ADGRG6: variants seen among roughly 807,000 people sequenced by gnomAD.
ADGRG6 encodes adhesion G protein-coupled receptor G6.
A neutral mutation model predicts 142.4 loss-of-function variants in ADGRG6; 84 were observed. The observed-to-expected ratio is 0.59, with a 90% confidence interval of 0.49 to 0.71. The LOEUF (loss-of-function observed/expected upper bound fraction) is 0.71, where lower values mean the gene tolerates loss of function less well. ADGRG6 is among the 30% of genes least tolerant of loss of function. The pLI is 0.00. For synonymous variants in ADGRG6, 521 were observed against 520.5 expected (o/e 1.00, Z -0.01); for missense variants, 1,367 against 1,466.6 (o/e 0.93, Z 1.11).
intron 4 of ADGRG6, among the ~76,000 whole-genome samples, chr6:142,375,772 C>T (rs1278887199): frequency 1.3e-5 from 2 of 151,958 alleles, no homozygotes; most frequent in African/African-American, 4.8e-5. Context: ...ATAGATTTTG[C>T]AAAGGTATAT....
intron 22 of ADGRG6, among the ~76,000 whole-genome samples, chr6:142,431,817 G>T (rs1011033788): frequency 6.6e-6 from 1 of 152,060 alleles, no homozygotes; most frequent in Admixed American, 6.6e-5. Context: ...CAGCTACTCA[G>T]CAGATTGAGG....
intron 15 of ADGRG6, 139 bp from the exon 16 acceptor site, chr6:142,408,011 A>C (rs1775894793): frequency 1.9e-6 from 1 of 530,302 alleles, no homozygotes; most frequent in East Asian, 3.0e-5. Context: ...AAAGCCAGCA[A>C]CTTGATGTGA....
At position 142,302,295 on chromosome 6, in the gene ADGRG6, G is replaced by A; in HGVS notation, c.-35G>A. Reference sequence around the variant, plus strand: ...CGGGAAAGTGGTGGAGGATGATCTTGCGGCCAAAGGGGACCTCGGCGCAGT... The same window carrying A: ...CGGGAAAGTGGTGGAGGATGATCTTACGGCCAAAGGGGACCTCGGCGCAGT... On this transcript the variant is annotated 5_prime_UTR_variant, in exon 1 of 25. Coordinates refer to ENST00000367609, the MANE Select transcript of ADGRG6 (RefSeq NM_198569.3). 6.2e-7 allele frequency: 1 copy of A among 1,611,202 alleles called. No individual in the cohort carries two copies. Among genetic ancestry groups the A allele is most frequent in the South Asian group, 1.1e-5 (1 of 90,496 alleles).
chr6:142,405,326 G>C, intron 14 of ADGRG6: 1 of 460,554 alleles, frequency 2.2e-6, no homozygotes, highest in Non-Finnish European at 4.3e-6. Context: ...TCTCTCCCTT[G>C]CCCCTTTCTC....
intron 9 of ADGRG6, among the ~76,000 whole-genome samples, chr6:142,395,349 A>G (rs1775123634): frequency 6.6e-6 from 1 of 152,118 alleles, no homozygotes; most frequent in Non-Finnish European, 1.5e-5. Context: ...TCAGTAATGG[A>G]TCCAGCAGCA....
intron 1 of ADGRG6, among the ~76,000 whole-genome samples, chr6:142,306,439 G>A (rs1339899269): frequency 6.6e-6 from 1 of 152,060 alleles, no homozygotes; most frequent in African/African-American, 2.4e-5. Flanking sequence ...TCTCAAAAAG[G>A]ACGCTAGGTT....
At chr6:142,342,859 A>T (rs1779721520) in intron 2 of ADGRG6, among the ~76,000 whole-genome samples, 1 of 151,860 alleles carries the variant, frequency 6.6e-6, no homozygotes, top group Admixed American at 6.6e-5. Flanking sequence ...TTTTTATTTT[A>T]AAATATATTT....
At chr6:142,381,652 A>C (rs1159133626) in intron 4 of ADGRG6, among the ~76,000 whole-genome samples, 1 of 152,218 alleles carries the variant, frequency 6.6e-6, no homozygotes, top group Admixed American at 6.5e-5. Flanking sequence ...CAAACTCTTA[A>C]AATTTATTAT....
chr6:142,345,484 C>G (rs1298507896), intron 2 of ADGRG6, among the ~76,000 whole-genome samples: 1 of 151,994 alleles, frequency 6.6e-6, no homozygotes, highest in Non-Finnish European at 1.5e-5. Flanking sequence ...TCATGATCAA[C>G]TGTGTTTGAA....
chr6:142,381,812 C>T (rs1332496635), intron 4 of ADGRG6, 139 bp from the exon 5 acceptor site: 2 of 509,160 alleles, frequency 3.9e-6, no homozygotes, highest in South Asian at 3.2e-5. Flanking sequence ...GCACAGTGGC[C>T]TTAAGAGACT....
At chr6:142,340,511 G>T (rs1434257728) in intron 2 of ADGRG6, among the ~76,000 whole-genome samples, 9 of 152,060 alleles carry the variant, frequency 5.9e-5, no homozygotes, top group Admixed American at 5.9e-4. Flanking sequence ...AGGTTACAGT[G>T]TATGTAATCA....
In ADGRG6 at chr6:142,397,586, A is replaced by G. The variant is rs750824527; in HGVS notation, c.1425-27A>G. On this transcript the variant is annotated intron_variant, in intron 9 of 24. Transcript: ENST00000367609. ...GACAAGCAACCAATGAACAACAACA[A>G]CAGTTCTATCCGAAATGTTTCCCTA... The G allele has an allele frequency of 2.5e-6, 4 of 1,602,266 alleles. No homozygotes were observed. In the East Asian group the frequency reaches 6.8e-5, roughly 27 times the overall value.
chr6:142,371,781 G>A (rs916887337), intron 4 of ADGRG6, among the ~76,000 whole-genome samples: 10 of 152,166 alleles, frequency 6.6e-5, no homozygotes, highest in Admixed American at 3.9e-4. Flanking sequence ...CACCGTGCCC[G>A]GCCCAGTTAC....
intron 24 of ADGRG6, among the ~76,000 whole-genome samples, chr6:142,441,304 A>G (rs972897440): frequency 6.6e-6 from 1 of 152,130 alleles, no homozygotes; most frequent in Non-Finnish European, 1.5e-5. Context: ...GCTCATGTGG[A>G]TTTCTGGGTA....
At chr6:142,402,914 C>A in intron 13 of ADGRG6, 84 bp downstream of exon 13, 1 of 713,092 alleles carries the variant, frequency 1.4e-6, no homozygotes, top group Non-Finnish European at 2.2e-6. Context: ...TACTTTGTGC[C>A]CAGATTTCAG....
chr6:142,416,973 G>T (rs917243406), intron 20 of ADGRG6: 1 of 405,160 alleles, frequency 2.5e-6, no homozygotes, highest in African/African-American at 2.1e-5. Context: ...TGCTAGATTT[G>T]ATACAAATCA....
chr6:142,388,272 A>G (rs1458179743), intron 6 of ADGRG6, among the ~76,000 whole-genome samples: 3 of 152,196 alleles, frequency 2.0e-5, no homozygotes, highest in Admixed American at 6.5e-5. Flanking sequence ...GCAGGAAACA[A>G]TGTTTAAAGA....
chr6:142,337,722 A>G (rs1779386952), intron 2 of ADGRG6, among the ~76,000 whole-genome samples: 1 of 152,116 alleles, frequency 6.6e-6, no homozygotes, highest in Non-Finnish European at 1.5e-5. Context: ...GGTTGCAGTC[A>G]AGTTATGTCA....
At chr6:142,440,830 G>A (rs933879603) in intron 24 of ADGRG6, 14 of 732,732 alleles carry the variant, frequency 1.9e-5, no homozygotes, top group Admixed American at 2.9e-5. Flanking sequence ...TATGCAAAAC[G>A]TCACTGCATA....
Sources: gnomAD v4.1 joint callset for allele counts (sites outside exome capture counted in the v4.1 genomes callset) on GRCh38, gnomAD v4.1.1 for gene constraint, MANE v1.5 for transcripts, NCBI Gene and HGNC (gene_info 2026-07-23, HGNC 2026-07-21) for gene names.